The following TP73 variants were observed in gnomAD, a reference collection of about 807,000 sequenced individuals.
TP73 encodes tumor protein p73, also known as p53-like transcription factor.
In TP73, 25 loss-of-function variants were observed where a neutral mutation model predicts 62.5. That is an observed-to-expected ratio of 0.40 (90% confidence interval 0.29 to 0.56). The LOEUF is 0.56. TP73 is among the 20% of genes least tolerant of loss of function. The probability of loss-of-function intolerance (pLI) is 0.46; values close to 1 mark genes in which losing one functional copy is unlikely to be tolerated. For synonymous variants in TP73, 423 were observed against 377.5 expected, an observed-to-expected ratio of 1.12 and a Z score of -1.40; for missense variants, 754 against 913.3, an observed-to-expected ratio of 0.83 and a Z score of 2.25.
At chr1:3,732,007 G>A (rs1408357121) in intron 13 of TP73, among the ~76,000 whole-genome samples, 1 of 152,262 alleles carries the variant, frequency 6.6e-6, no homozygotes, top group African/African-American at 2.4e-5. Flanking sequence ...CATGGCAGCT[G>A]ACTGCAGGCA....
At chr1:3,685,219 A>G (rs564724653) in intron 3 of TP73, among the ~76,000 whole-genome samples, 3 of 152,290 alleles carry the variant, frequency 2.0e-5, no homozygotes, top group South Asian at 4.1e-4. Flanking sequence ...CAGAAGGAGC[A>G]GTTCTACATT....
At chr1:3,688,290 C>G (rs1379485817) in intron 3 of TP73, among the ~76,000 whole-genome samples, 1 of 152,232 alleles carries the variant, frequency 6.6e-6, no homozygotes, top group Non-Finnish European at 1.5e-5. Flanking sequence ...GGTCTCAGAG[C>G]CTTGCAGCTT....
chr1:3,711,481 G>A (rs549966331), intron 4 of TP73, among the ~76,000 whole-genome samples: 16 of 152,394 alleles, frequency 1.0e-4, no homozygotes, highest in African/African-American at 3.4e-4. Context: ...AGCCCGACGC[G>A]ATGGGCATCG....
At position 3,671,247 on chromosome 1, in the gene TP73, G is replaced by A. The variant is rs552164153; in HGVS notation, c.-33-11086G>A. Among the ~76,000 whole-genome samples the A allele has an allele frequency of 7.2e-5, 11 of 152,344 alleles. No individual in the cohort carries two copies. In the East Asian group the frequency reaches 2.1e-3, roughly 29 times the overall value. Reference sequence around the variant, plus strand: ...GAGGCGTGGGGTGTGGGAGCTGGGAGCGTGACGGGAAGCAGCCCCCTCAGA... The same window carrying A: ...GAGGCGTGGGGTGTGGGAGCTGGGAACGTGACGGGAAGCAGCCCCCTCAGA... On this transcript the variant is annotated intron_variant, in intron 1 of 13. Transcript: ENST00000378295.
rs1291035273 is a variant in TP73, at chr1:3,672,250, A to G, written c.-33-10083A>G. ...TGGGGACAGCAGCTTGAGAAGGGTC[A>G]TTCTCTCTTGGTTGGAGGAGTGGAA... On this transcript the variant is annotated intron_variant, in intron 1 of 13. Transcript: ENST00000378295. This position sits in a 1 kb window ranked among gnomAD's most constrained non-coding sequence, Gnocchi z 5.3. 6.6e-6 allele frequency among the ~76,000 whole-genome samples: 1 copy of G among 152,122 alleles called. No homozygotes were observed. The highest frequency in any genetic ancestry group is 2.4e-5 in the African/African-American group (1 of 41,414).
chr1:3,729,386 G>A lies in TP73; in HGVS notation c.1134G>A (p.Met378Ile), dbSNP rs2124532597. 6.2e-7 allele frequency: 1 copy of A among 1,613,194 alleles called. No individual in the cohort carries two copies. The highest frequency in any genetic ancestry group is 1.6e-4 in the Middle Eastern group (1 of 6,062). The change falls in exon 10 of 14, where the codon ATG becomes ATA. Residue 378 changes from methionine (M) to isoleucine (I), a missense_variant. Physicochemically the swap from Met to Ile is conservative, Grantham distance 10. Transcript: ENST00000378295. The stretch of plus-strand genomic sequence containing the variant: ...AGCTGAAAGAGAGCCTGGAGCTGAT[G>A]GAGTTGGTGCCGCAGCCACTGGTGG... ...LMKLKESLELMELVPQPLVDS... is the reference protein window; with the variant it reads ...LMKLKESLELIELVPQPLVDS...
Position 3,696,881 on chromosome 1 carries a change from C to T in TP73, c.187-10668C>T, listed in dbSNP as rs886893056. 8.5e-5 allele frequency among the ~76,000 whole-genome samples: 13 copies of T among 152,284 alleles called. No homozygotes were observed. Among genetic ancestry groups the T allele is most frequent in the African/African-American group, 2.6e-4 (11 of 41,550 alleles). On this transcript the variant is annotated intron_variant, in intron 3 of 13. Transcript: ENST00000378295. This position sits in a 1 kb window ranked among gnomAD's most constrained non-coding sequence, Gnocchi z 4.1. ...CCGCCTGCTGTGCCTAGTGCACGCC[C>T]GCCTCCGGCCCCCCTGCCACCCTCG...
At chr1:3,698,722 C>T (rs1638889144) in intron 3 of TP73, among the ~76,000 whole-genome samples, 1 of 152,130 alleles carries the variant, frequency 6.6e-6, no homozygotes, top group African/African-American at 2.4e-5. Context: ...GTGGGCGGCT[C>T]AAATGTGGGT....
Position 3,682,484 on chromosome 1 carries a change from C to T in TP73, c.65+54C>T, listed in dbSNP as rs1220116078. 47 of 1,401,114 alleles carry T rather than the reference C, an allele frequency of 3.4e-5. 1 individual carries two copies. 86.8% of individuals were successfully genotyped at this position (1,401,114 alleles called of 1,614,324 possible). On this transcript the variant is annotated intron_variant, in intron 2 of 13. Coordinates refer to ENST00000378295, the MANE Select transcript of TP73 (RefSeq NM_005427.4). ...GGGCCCCCCTGGGAGGCACTCTGGG[C>T]TAGCCTCAGCCACCTTCGCTGGGCT...
intron 1 of TP73, among the ~76,000 whole-genome samples, chr1:3,667,879 C>T (rs577925477): frequency 1.3e-5 from 2 of 152,220 alleles, no homozygotes; most frequent in Non-Finnish European, 2.9e-5. Flanking sequence ...AGCTTTGCAA[C>T]CCTTGTGTTA....
chr1:3,652,822 CGCTCGCGAGAG>C (rs1644783104), intron 1 of TP73, 181 bp downstream of exon 1: 1 of 152,312 alleles, frequency 6.6e-6, no homozygotes, highest in Admixed American at 6.5e-5. Context: ...TGGGACTTGG[CGCTCGCGAGAG>C]GCTGGAGCGG....
chr1:3,729,267 C>T, intron 9 of TP73, 60 bp from the exon 10 acceptor site: 1 of 1,606,020 alleles, frequency 6.2e-7, no homozygotes, highest in Admixed American at 1.7e-5. Flanking sequence ...GAGGCTGCGG[C>T]CACCCCCCTC....
rs942661590 is a variant in TP73 at position 3,682,933 on chromosome 1, A to G, written c.66-127A>G. 3.6e-5 allele frequency: 45 copies of G among 1,245,880 alleles called. 1 individual carries two copies. The highest frequency in any genetic ancestry group is 2.1e-4 in the Admixed American group (9 of 43,584). The allele number at this position is 1,245,880 out of a possible 1,614,324, so 77.2% of individuals were successfully genotyped here. ...GAGGACAGAGATGGGATGAGAGGGA[A>G]TGGGAAGGGCAGGAGACGTAGGCCT... On this transcript the variant is annotated intron_variant, in intron 2 of 13. Coordinates refer to ENST00000378295, the MANE Select transcript of TP73 (RefSeq NM_005427.4).
chr1:3,723,525 G>GAA, intron 6 of TP73, 56 bp downstream of exon 6: 1 of 867,638 alleles, frequency 1.2e-6, no homozygotes, highest in East Asian at 2.6e-5. Context: ...ACGGGTCGGG[G>GAA]GAGGGGTCCC....
At position 3,719,938 on chromosome 1, in the gene TP73, C is replaced by T. The variant is rs913495454; in HGVS notation, c.430-2083C>T. 1.7e-3 allele frequency among the ~76,000 whole-genome samples: 120 copies of T among 71,200 alleles called. 1 individual carries two copies. Among genetic ancestry groups the T allele is most frequent in the African/African-American group, 6.2e-3 (89 of 14,300 alleles). 46.7% of individuals were successfully genotyped at this position (71,200 alleles called of 152,430 possible). ...TGTGTGTGTGTGTGTGTGTGTGTGA[C>T]GGATTCTCACTTTGTCACCCAGGCT... On this transcript the variant is annotated intron_variant, in intron 4 of 13. Transcript: ENST00000378295.
intron 1 of TP73, among the ~76,000 whole-genome samples, chr1:3,654,590 C>T (rs1199883545): frequency 5.9e-5 from 9 of 152,174 alleles, no homozygotes; most frequent in African/African-American, 1.7e-4. Flanking sequence ...AGTGAGGTGC[C>T]GTCCGAAGGG....
chr1:3,664,934 A>G (rs1645077963), intron 1 of TP73, among the ~76,000 whole-genome samples: 1 of 152,174 alleles, frequency 6.6e-6, no homozygotes. Context: ...TCCTCTCTTT[A>G]TGGTCCTCGC....
At chr1:3,722,000 G>T (rs779927603) in intron 4 of TP73, 21 bp from the exon 5 acceptor site, 2 of 1,587,068 alleles carry the variant, frequency 1.3e-6, no homozygotes, top group Admixed American at 3.5e-5. Flanking sequence ...GGTCTCACCC[G>T]CTCCCTCTCC....
chr1:3,719,909 T>TGTGTGTTC (rs1640928624), intron 4 of TP73, among the ~76,000 whole-genome samples: 2 of 150,822 alleles, frequency 1.3e-5, no homozygotes, highest in African/African-American at 4.9e-5. Context: ...TGTGTGTGTG[T>TGTGTGTTC]GTGTGTGTGT....
Sources: gnomAD v4.1 joint callset for allele counts (sites outside exome capture counted in the v4.1 genomes callset) on GRCh38, gnomAD v4.1.1 for gene constraint, Gnocchi (gnomAD v3.1) non-coding constraint, MANE v1.5 for transcripts, NCBI Gene and HGNC (gene_info 2026-07-23, HGNC 2026-07-21) for gene names.